Variants in DPP10 observed in about 807,000 individuals in gnomAD.
DPP10 encodes dipeptidyl peptidase like 10, also known as inactive dipeptidyl peptidase 10.
Under a neutral mutation model 120.9 loss-of-function variants are expected in DPP10, and 33 were observed. The ratio of observed to expected loss-of-function variants is 0.27; its 90% CI spans 0.21 to 0.37. The LOEUF is 0.37. DPP10 is among the 10% of genes least tolerant of loss of function. DPP10 has a pLI of 1.00. For synonymous variants in DPP10, 337 were observed against 326.1 expected (o/e 1.03, Z -0.36); for missense variants, 816 against 942.8 (o/e 0.87, Z 1.76).
intron 5 of DPP10, among the ~76,000 whole-genome samples, chr2:115,539,224 G>A (rs1156338642): frequency 1.3e-5 from 2 of 151,850 alleles, no homozygotes; most frequent in Non-Finnish European, 2.9e-5. Context: ...TTGTGGAAAA[G>A]GAAAACTCTG....
chr2:115,746,409 T>A (rs1469962287), intron 10 of DPP10, among the ~76,000 whole-genome samples: 1 of 152,188 alleles, frequency 6.6e-6, no homozygotes, highest in Non-Finnish European at 1.5e-5. Flanking sequence ...CTGAAGAGGC[T>A]GATACTGAGA....
At chr2:114,477,303 A>G (rs1381521284) in intron 1 of DPP10, among the ~76,000 whole-genome samples, 1 of 152,040 alleles carries the variant, frequency 6.6e-6, no homozygotes, top group African/African-American at 2.4e-5. Flanking sequence ...GCTTCTTTGC[A>G]ACATGTTTGT....
At position 114,708,050 on chromosome 2, in the gene DPP10, C is replaced by T. The variant is rs1700792347; in HGVS notation, c.60+265212C>T. Among the ~76,000 whole-genome samples the T allele has an allele frequency of 3.3e-5, 5 of 152,294 alleles. No homozygotes were observed. In the South Asian group the frequency reaches 1.0e-3, roughly 32 times the overall value. On this transcript the variant is annotated intron_variant, in intron 1 of 25. Transcript: ENST00000410059. The stretch of plus-strand genomic sequence containing the variant: ...CACGGCTGCTTCAGGGGTCATACCT[C>T]TACTACTTGCATTCTTAGCTCCAGT...
At chr2:114,978,009 G>C (rs919565567) in intron 1 of DPP10, among the ~76,000 whole-genome samples, 1 of 152,030 alleles carries the variant, frequency 6.6e-6, no homozygotes, top group Non-Finnish European at 1.5e-5. Context: ...AAAATCATCT[G>C]ATCTCTAAAA....
chr2:115,711,099 C>T (rs922143236), intron 7 of DPP10, among the ~76,000 whole-genome samples: 1 of 152,056 alleles, frequency 6.6e-6, no homozygotes, highest in Non-Finnish European at 1.5e-5. Context: ...AACTGAAATT[C>T]GTATAGCACA....
At chr2:115,227,084 C>A (rs1392128386) in intron 1 of DPP10, among the ~76,000 whole-genome samples, 1 of 152,126 alleles carries the variant, frequency 6.6e-6, no homozygotes, top group Non-Finnish European at 1.5e-5. Flanking sequence ...AAAATAAAGA[C>A]AGATATTGCA....
intron 5 of DPP10, among the ~76,000 whole-genome samples, chr2:115,649,750 A>C (rs921089235): frequency 2.0e-5 from 3 of 152,142 alleles, no homozygotes; most frequent in Non-Finnish European, 4.4e-5. Flanking sequence ...TGTTTTCAGA[A>C]TATGTACTAC....
intron 7 of DPP10, among the ~76,000 whole-genome samples, chr2:115,720,277 C>G (rs2092613412): frequency 6.6e-6 from 1 of 152,070 alleles, no homozygotes; most frequent in African/African-American, 2.4e-5. Flanking sequence ...ATATATACTC[C>G]TACTACCAAA....
chr2:115,334,230 G>GTTTTTTTTTTTTTTTTTTTTTTTTTTTT lies in DPP10; in HGVS notation c.176-9571_176-9570insTTTTTTTTTTTTTTTTTTTTTTTTTTTT. On this transcript the variant is annotated intron_variant, in intron 2 of 25. Transcript: ENST00000410059. ...TCAGGAATGGACCAGAGCAGACTCT[G>GTTTTTTTTTTTTTTTTTTTTTTTTTTTT]TTTTTTTTTTTTTTTTAAGAAACCT... Among the ~76,000 whole-genome samples the GTTTTTTTTTTTTTTTTTTTTTTTTTTTT allele has an allele frequency of 8.1e-3, 454 of 56,294 alleles. 115 individuals are homozygous for GTTTTTTTTTTTTTTTTTTTTTTTTTTTT. The highest frequency in any genetic ancestry group is 0.014 in the Non-Finnish European group (350 of 25,118). 36.9% of individuals were successfully genotyped at this position (56,294 alleles called of 152,430 possible). A position where few individuals can be genotyped will look rare whatever the true frequency, so the allele number is the denominator to read the frequency against.
At chr2:115,519,196 T>C (rs2077662081) in intron 4 of DPP10, among the ~76,000 whole-genome samples, 1 of 152,140 alleles carries the variant, frequency 6.6e-6, no homozygotes, top group Non-Finnish European at 1.5e-5. Flanking sequence ...AAAATAAAAA[T>C]TGCTTTTTAA....
At chr2:115,696,903 C>T (rs1400581883) in intron 7 of DPP10, among the ~76,000 whole-genome samples, 1 of 151,892 alleles carries the variant, frequency 6.6e-6, no homozygotes, top group African/African-American at 2.4e-5. Flanking sequence ...TTTGGATGTA[C>T]AATATACAAA....
At chr2:115,777,642 T>G (rs1575749733) in intron 14 of DPP10, 145 bp from the exon 15 acceptor site, 1 of 879,012 alleles carries the variant, frequency 1.1e-6, no homozygotes, top group Middle Eastern at 3.1e-4. Flanking sequence ...TTGACAGTTT[T>G]AAAAATTCAA....
chr2:115,717,344 C>G (rs1249008480), intron 7 of DPP10, among the ~76,000 whole-genome samples: 1 of 151,898 alleles, frequency 6.6e-6, no homozygotes, highest in Non-Finnish European at 1.5e-5. Context: ...GTAACCTGCA[C>G]GTTGTGCACA....
At chr2:114,494,114 A>AC (rs1682266109) in intron 1 of DPP10, among the ~76,000 whole-genome samples, 3 of 146,920 alleles carry the variant, frequency 2.0e-5, no homozygotes, top group Non-Finnish European at 4.5e-5. Flanking sequence ...AAAAAAAAAA[A>AC]AAAAAAACCC....
intron 1 of DPP10, among the ~76,000 whole-genome samples, chr2:115,106,378 GAATTAGA>G (rs1195285345): frequency 5.9e-5 from 9 of 152,156 alleles, no homozygotes; most frequent in Non-Finnish European, 1.2e-4. Flanking sequence ...CTTTATGCAC[GAATTAGA>G]AATGAGGGAA....
At chr2:115,010,322 A>G (rs1016769898) in intron 1 of DPP10, among the ~76,000 whole-genome samples, 3 of 152,228 alleles carry the variant, frequency 2.0e-5, no homozygotes, top group African/African-American at 7.2e-5. Flanking sequence ...AGCACCATTC[A>G]AGAGACCTTC....
chr2:115,697,587 T>C (rs2091661145), intron 7 of DPP10, among the ~76,000 whole-genome samples: 1 of 151,532 alleles, frequency 6.6e-6, no homozygotes, highest in Admixed American at 6.6e-5. Context: ...AGGGAATATA[T>C]ATATATATAT....
chr2:115,120,173 C>A (rs924832382), intron 1 of DPP10, among the ~76,000 whole-genome samples: 1 of 152,122 alleles, frequency 6.6e-6, no homozygotes, highest in African/African-American at 2.4e-5. Context: ...TGGGTATTTC[C>A]TTTGAGAGTT....
chr2:115,344,278 A>AT (rs1304630282), intron 3 of DPP10, among the ~76,000 whole-genome samples: 1 of 152,110 alleles, frequency 6.6e-6, no homozygotes, highest in Admixed American at 6.6e-5. Context: ...TCAATAAATT[A>AT]TTTGGCAAAC....
Sources: gnomAD v4.1 joint callset for allele counts (sites outside exome capture counted in the v4.1 genomes callset) on GRCh38, gnomAD v4.1.1 for gene constraint, MANE v1.5 for transcripts, NCBI Gene and HGNC (gene_info 2026-07-23, HGNC 2026-07-21) for gene names.